KDM4B: variants seen among roughly 807,000 people sequenced by gnomAD.
KDM4B encodes the protein lysine-specific demethylase 4B.
A neutral mutation model predicts 125.2 loss-of-function variants in KDM4B; 32 were observed. The observed-to-expected ratio is 0.26, with a 90% CI of 0.19 to 0.34. The LOEUF (loss-of-function observed/expected upper bound fraction) is 0.34, where lower values mean the gene tolerates loss of function less well. Among genes scored for constraint, KDM4B ranks in the 10% least tolerant of loss-of-function variants. KDM4B has a pLI of 1.00. For synonymous variants in KDM4B, 721 were observed against 677.9 expected (o/e 1.06, Z -0.99); for missense variants, 1,190 against 1,577.7 (o/e 0.75, Z 4.16).
rs2034683010 is a variant in KDM4B, at chr19:4,982,609, CTCTT to C, written c.-109+13383_-109+13386del. 5.9e-5 allele frequency among the ~76,000 whole-genome samples: 9 copies of C among 151,814 alleles called. No individual in the cohort carries two copies. In the South Asian group the frequency reaches 1.9e-3, roughly 32 times the overall value. ...AGTGATGTTCTCTCTCTCTCTCTCT[CTCTT>C]TCTCTCTTTCTTTTTTTGTGGCGGA... is the stretch of plus-strand genomic sequence containing the variant. On this transcript the variant is annotated intron_variant, in intron 1 of 22. Transcript: ENST00000159111.
chr19:4,977,198 G>T (rs577719502), intron 1 of KDM4B, among the ~76,000 whole-genome samples: 1 of 152,328 alleles, frequency 6.6e-6, no homozygotes, highest in East Asian at 1.9e-4. Flanking sequence ...CTGCTGGCAG[G>T]CTGTGCCTCT....
chr19:5,149,022 C>T (rs2620831), intron 21 of KDM4B, among the ~76,000 whole-genome samples: 45,323 of 152,178 alleles, frequency 0.3, 6,907 homozygotes, highest in East Asian at 0.47. Context: ...AGCCCTGCTT[C>T]TCCCGCCGCC....
intron 6 of KDM4B, among the ~76,000 whole-genome samples, chr19:5,053,440 C>G (rs918508936): frequency 3.3e-5 from 5 of 152,214 alleles, no homozygotes; most frequent in Admixed American, 2.0e-4. Flanking sequence ...AGAGAGCTCC[C>G]ACGGAGAGCA....
intron 6 of KDM4B, among the ~76,000 whole-genome samples, chr19:5,053,180 G>C (rs762588556): frequency 1.6e-4 from 25 of 152,246 alleles, no homozygotes; most frequent in Non-Finnish European, 2.9e-4. Flanking sequence ...GCAGGAGCGA[G>C]ATAGTTGCTC....
chr19:5,038,269 C>T (rs1446555530), intron 3 of KDM4B, among the ~76,000 whole-genome samples: 1 of 152,190 alleles, frequency 6.6e-6, no homozygotes, highest in Non-Finnish European at 1.5e-5. Flanking sequence ...TGCCTGGCAC[C>T]CAGAAGGCCC....
At chr19:4,996,588 C>T (rs187370266) in intron 1 of KDM4B, among the ~76,000 whole-genome samples, 10 of 151,626 alleles carry the variant, frequency 6.6e-5, no homozygotes, top group Admixed American at 6.6e-4. Flanking sequence ...GTTGTCCAGG[C>T]TGGAGTTTAT....
chr19:5,110,773 C>G lies in KDM4B; in HGVS notation c.1070C>G (p.Ser357Cys), dbSNP rs768698435. 10 of 1,607,392 alleles carry G rather than the reference C, an allele frequency of 6.2e-6. No individual in the cohort carries two copies. Among genetic ancestry groups the G allele is most frequent in the African/African-American group, 2.7e-5 (2 of 74,832 alleles). Residue 357 changes from serine (S) to cysteine (C), a missense_variant, in exon 10 of 23, where the codon TCC (serine) becomes TGC (cysteine). Physicochemically the swap from Ser to Cys is moderately radical, Grantham distance 112 (BLOSUM62 -1). Transcript: ENST00000159111. ...GCGCTCACCAGCCCCGAGCTGAGCT[C>G]CTGGAGTGCATCCCGGGCCTCGCTG... ...PTALTSPELS[S>C]WSASRASLKA...
rs763523946 is a variant in KDM4B at position 5,143,955 on chromosome 19, C to T, written c.2551-12C>T. The T allele has an allele frequency of 7.6e-6, 12 of 1,570,298 alleles. No individual in the cohort carries two copies. The South Asian group carries it at 1.4e-4, about 18-fold the overall frequency. On this transcript the variant is annotated splice_polypyrimidine_tract_variant and intron_variant, in intron 18 of 22. Transcript: ENST00000159111. ...TCGAGCCCCATGCCCCTGCCTGTGT[C>T]CCCATCCCCAGAAATGCGTGTACTG... is the stretch of plus-strand genomic sequence containing the variant.
intron 11 of KDM4B, among the ~76,000 whole-genome samples, chr19:5,126,507 C>A (rs1196939888): frequency 6.6e-6 from 1 of 152,196 alleles, no homozygotes; most frequent in Non-Finnish European, 1.5e-5. Flanking sequence ...ATAGTGCCGT[C>A]CTGCCTCCCA....
intron 9 of KDM4B, among the ~76,000 whole-genome samples, chr19:5,103,458 C>A (rs1337785649): frequency 6.6e-6 from 1 of 152,222 alleles, no homozygotes; most frequent in Non-Finnish European, 1.5e-5. Context: ...CTGAGGCCTG[C>A]GTCAAGAATA....
At chr19:4,985,380 G>A (rs773825235) in intron 1 of KDM4B, among the ~76,000 whole-genome samples, 8 of 152,192 alleles carry the variant, frequency 5.3e-5, no homozygotes, top group South Asian at 2.1e-4. Context: ...ACAAGCTGCC[G>A]TCATCTCCAG....
At chr19:5,039,754 TG>T (rs1055947075) in intron 3 of KDM4B, 81 bp from the exon 4 acceptor site, 2 of 1,495,312 alleles carry the variant, frequency 1.3e-6, no homozygotes, top group African/African-American at 1.4e-5. Flanking sequence ...TGCTGGTCTC[TG>T]GGGAGCCGGT....
chr19:5,087,049 C>G (rs2145895173), intron 9 of KDM4B, among the ~76,000 whole-genome samples: 1 of 152,376 alleles, frequency 6.6e-6, no homozygotes, highest in Non-Finnish European at 1.5e-5. Flanking sequence ...TGGGGCTCTC[C>G]CCTCCCGTCT....
chr19:5,047,331 C>T (rs908928854), intron 5 of KDM4B, 145 bp from the exon 6 acceptor site: 8 of 693,510 alleles, frequency 1.2e-5, no homozygotes, highest in Middle Eastern at 4.0e-4. Flanking sequence ...AGGGTATGAC[C>T]GGCCCCTGGG....
intron 1 of KDM4B, among the ~76,000 whole-genome samples, chr19:4,970,905 G>A (rs1262235211): frequency 6.6e-6 from 1 of 152,120 alleles, no homozygotes; most frequent in African/African-American, 2.4e-5. Context: ...AGGTCCGGGC[G>A]CTCCCCCTCC....
intron 7 of KDM4B, 160 bp from the exon 8 acceptor site, chr19:5,077,207 C>T: frequency 1.5e-6 from 1 of 666,674 alleles, no homozygotes; most frequent in African/African-American, 1.8e-5. Context: ...CCTGCAGGCA[C>T]TGGGGCCCTG....
intron 2 of KDM4B, among the ~76,000 whole-genome samples, chr19:5,019,065 CGTTGGTGTGCAGGTGCTGGTGTGGACGTT>C (rs2035980444): frequency 1.2e-5 from 1 of 80,054 alleles, no homozygotes; most frequent in African/African-American, 3.7e-5. Context: ...TTGGTGTGGA[CGTTGGTGTGCAGGTGCTGGTGTGGACGTT>C]GGTGTGCAGG....
intron 3 of KDM4B, among the ~76,000 whole-genome samples, chr19:5,034,857 C>T (rs751711415): frequency 7.9e-5 from 12 of 152,210 alleles, no homozygotes; most frequent in Non-Finnish European, 1.5e-4. Flanking sequence ...CTGGCTCTGT[C>T]GCCCAGGCTG....
chr19:4,999,083 C>A (rs780502427), intron 1 of KDM4B, among the ~76,000 whole-genome samples: 2 of 152,200 alleles, frequency 1.3e-5, no homozygotes, highest in Non-Finnish European at 2.9e-5. Flanking sequence ...ACGTTCACTG[C>A]TTGTTTCAGC....
Sources: allele counts gnomAD v4.1 joint callset (sites outside exome capture counted in the v4.1 genomes callset), GRCh38; gene constraint gnomAD v4.1.1; transcripts MANE v1.5; gene names NCBI Gene and HGNC (gene_info 2026-07-23, HGNC 2026-07-21).